ABI3BP: variants seen among roughly 807,000 people sequenced by gnomAD.
ABI3BP encodes ABI family member 3 binding protein.
ABI3BP carries 216 observed loss-of-function variants against 268.6 expected under a neutral mutation model. The ratio of observed to expected loss-of-function variants is 0.80; its 90% CI spans 0.72 to 0.90. The LOEUF (loss-of-function observed/expected upper bound fraction) is 0.90, where lower values mean the gene tolerates loss of function less well. ABI3BP is among the 40% of genes least tolerant of loss of function. The pLI is 0.00. For synonymous variants in ABI3BP, 730 were observed against 730.0 expected (o/e 1.00, Z 0.00); for missense variants, 2,090 against 2,182.4 (o/e 0.96, Z 0.84).
At position 100,898,859 on chromosome 3, in the gene ABI3BP, C is replaced by A. The variant is rs2048865550; in HGVS notation, c.364G>T (p.Val122Phe). ...ACCGAGCTCGGTGTCAGAGTGCCAA[C>A]CACCAGCTGCAGAGGTTTGCGAGAA... ...TRSRKPLQLV[V>F]GTLTPSSVFL... The change falls in exon 4 of 68, where the codon GTT (valine) becomes TTT (phenylalanine). Residue 122 changes from valine (V) to phenylalanine (F), a missense_variant. By Grantham distance (50) the Val-to-Phe change is conservative. Coordinates refer to ENST00000471714, the MANE Select transcript of ABI3BP (RefSeq NM_001375547.2). 6.2e-7 allele frequency: 1 copy of A among 1,612,994 alleles called. No homozygotes were observed. The highest frequency in any genetic ancestry group is 8.5e-7 in the Non-Finnish European group (1 of 1,179,586).
chr3:100,898,526 G>T (rs2048719432), intron 4 of ABI3BP, among the ~76,000 whole-genome samples: 1 of 152,090 alleles, frequency 6.6e-6, no homozygotes, highest in Non-Finnish European at 1.5e-5. Context: ...CCACCCATTT[G>T]CTATTTGACT....
At chr3:100,868,880 T>A (rs939371888) in intron 9 of ABI3BP, among the ~76,000 whole-genome samples, 1 of 152,216 alleles carries the variant, frequency 6.6e-6, no homozygotes, top group Non-Finnish European at 1.5e-5. Flanking sequence ...ACATCTTTTG[T>A]GTGAACCATT....
chr3:100,795,423 A>G (rs932484689), intron 53 of ABI3BP, among the ~76,000 whole-genome samples: 1 of 152,094 alleles, frequency 6.6e-6, no homozygotes, highest in African/African-American at 2.4e-5. Context: ...AATTTTCAGT[A>G]TTTTGACCAA....
At chr3:100,821,850 C>T (rs2098239895) in intron 38 of ABI3BP, among the ~76,000 whole-genome samples, 1 of 152,080 alleles carries the variant, frequency 6.6e-6, no homozygotes, top group Admixed American at 6.6e-5. Context: ...ATCCACCCGC[C>T]TCTGCCTCCC....
intron 41 of ABI3BP, 76 bp from the exon 42 acceptor site, chr3:100,817,571 G>A: frequency 1.1e-5 from 12 of 1,133,508 alleles, no homozygotes; most frequent in Non-Finnish European, 1.5e-5. Flanking sequence ...TTAAGCTTCA[G>A]AACTTAAAAG....
intron 46 of ABI3BP, 115 bp downstream of exon 46, chr3:100,812,352 G>A: frequency 1.7e-6 from 1 of 585,254 alleles, no homozygotes; most frequent in East Asian, 3.4e-5. Flanking sequence ...GCACAGACAA[G>A]CTGTGAGGAG....
At chr3:100,946,891 G>T (rs951251150) in intron 1 of ABI3BP, among the ~76,000 whole-genome samples, 1 of 151,982 alleles carries the variant, frequency 6.6e-6, no homozygotes, top group African/African-American at 2.4e-5. Flanking sequence ...AATAGTTTAG[G>T]CTATACTAAT....
chr3:100,865,049 C>T (rs1005342012), intron 10 of ABI3BP, 142 bp from the exon 11 acceptor site: 3 of 678,368 alleles, frequency 4.4e-6, no homozygotes, highest in Non-Finnish European at 7.5e-6. Context: ...TAAAGAGCTC[C>T]TTGGCTTGTC....
At chr3:100,853,598 G>T (rs1352348739) in intron 14 of ABI3BP, among the ~76,000 whole-genome samples, 1 of 152,088 alleles carries the variant, frequency 6.6e-6, no homozygotes, top group Non-Finnish European at 1.5e-5. Context: ...CTTCCATTTA[G>T]TGACATTGGA....
At position 100,848,709 on chromosome 3, in the gene ABI3BP, G is replaced by A. The variant is rs1244903179; in HGVS notation, c.1576+92C>T. The A allele has an allele frequency of 4.8e-6, 6 of 1,241,256 alleles. No individual in the cohort carries two copies. The African/African-American group carries it at 7.4e-5, about 15-fold the overall frequency. 76.9% of individuals were successfully genotyped at this position (1,241,256 alleles called of 1,614,324 possible). On this transcript the variant is annotated intron_variant, in intron 18 of 67. Transcript: ENST00000471714. ...CCCAAAGTGCTGGAGTTGCAGGTGT[G>A]AGCCACTGCACCTGGCTATCCTTCT...
chr3:100,834,649 G>A, intron 29 of ABI3BP, 35 bp downstream of exon 29: 1 of 1,525,602 alleles, frequency 6.6e-7, no homozygotes, highest in Non-Finnish European at 8.8e-7. Context: ...CATCCAATGG[G>A]ATGCCACAGG....
At chr3:100,838,645 GA>G (rs1391557934) in intron 24 of ABI3BP, among the ~76,000 whole-genome samples, 181 bp from the exon 25 acceptor site, 1 of 152,088 alleles carries the variant, frequency 6.6e-6, no homozygotes, top group Non-Finnish European at 1.5e-5. Flanking sequence ...AGTTTTTCCA[GA>G]AAGGAAAATT....
At chr3:100,931,350 A>T (rs534013402) in intron 1 of ABI3BP, among the ~76,000 whole-genome samples, 19 of 152,108 alleles carry the variant, frequency 1.2e-4, no homozygotes, top group Non-Finnish European at 2.1e-4. Context: ...AGCTAGAGCA[A>T]TCAGGAAAGA....
chr3:100,926,820 T>C (rs2061938756), intron 1 of ABI3BP, among the ~76,000 whole-genome samples: 1 of 152,086 alleles, frequency 6.6e-6, no homozygotes, highest in South Asian at 2.1e-4. Flanking sequence ...TTTTTATTGG[T>C]AAAATTGAAT....
In ABI3BP at chr3:100,828,398, G is replaced by A. The variant is rs958821097; in HGVS notation, c.2597C>T (p.Thr866Ile). 1.4e-5 allele frequency: 21 copies of A among 1,534,694 alleles called. No homozygotes were observed. Among genetic ancestry groups the A allele is most frequent in the Non-Finnish European group, 1.8e-5 (21 of 1,145,904 alleles). Residue 866 changes from threonine to isoleucine, a missense_variant, in exon 34 of 68, where the codon ACA becomes ATA. Transcript: ENST00000471714. ...VSPIKEAPGT[T>I]FVPVTDLEPV... ...AGATCAAAAAGTGGCATTACCGAAT[G>A]TTGTCCCTGGAGCCTCTTTTATAGG...
chr3:100,775,347 A>G lies in ABI3BP; in HGVS notation c.4334-12T>C, dbSNP rs768159334. The G allele has an allele frequency of 3.1e-6, 5 of 1,594,784 alleles. No individual in the cohort carries two copies. The African/African-American group carries it at 6.7e-5, about 21-fold the overall frequency. ...TGATGAAATGATTCCTGTAAAGTAG[A>G]GCCAAAGTAGTCAGGCTTTATAGGA... On this transcript the variant is annotated splice_polypyrimidine_tract_variant and intron_variant, in intron 59 of 67. Coordinates refer to ENST00000471714, the MANE Select transcript of ABI3BP (RefSeq NM_001375547.2).
intron 57 of ABI3BP, among the ~76,000 whole-genome samples, chr3:100,783,831 G>A (rs2096942654): frequency 6.6e-6 from 1 of 152,196 alleles, no homozygotes; most frequent in Non-Finnish European, 1.5e-5. Flanking sequence ...CAGGCAGTGA[G>A]CCAGATTTGG....
At chr3:100,789,347 C>T (rs2097136190) in intron 56 of ABI3BP, 107 bp downstream of exon 56, 1 of 1,006,198 alleles carries the variant, frequency 9.9e-7, no homozygotes, top group Non-Finnish European at 1.5e-6. Context: ...CTCTGTACAT[C>T]TCTTATTGCA....
chr3:100,888,560 G>C (rs2043030826), intron 4 of ABI3BP, among the ~76,000 whole-genome samples: 1 of 152,028 alleles, frequency 6.6e-6, no homozygotes, highest in African/African-American at 2.4e-5. Context: ...CACATAACCT[G>C]CTTATAAATA....
Sources: gnomAD v4.1 joint callset for allele counts (sites outside exome capture counted in the v4.1 genomes callset) on GRCh38, gnomAD v4.1.1 for gene constraint, MANE v1.5 for transcripts, NCBI Gene and HGNC (gene_info 2026-07-23, HGNC 2026-07-21) for gene names.